The following XKR9 variants were observed in gnomAD, a reference collection of about 807,000 sequenced individuals.
The protein encoded by XKR9 is XK-related protein 9.
In XKR9, 32 loss-of-function variants were observed where a neutral mutation model predicts 32.0. The observed-to-expected ratio is 1.00, with a 90% CI of 0.76 to 1.34. The LOEUF is 1.34. Among genes scored for constraint, XKR9 ranks in the 40% most tolerant of loss-of-function variants. XKR9 has a pLI of 0.00. For synonymous variants in XKR9, 168 were observed against 143.4 expected, an observed-to-expected ratio of 1.17 and a Z score of -1.22; for missense variants, 546 against 429.7, an observed-to-expected ratio of 1.27 and a Z score of -2.39.
Position 70,776,953 on chromosome 8 carries a change from A to C in XKR9, n.353-12386A>C, listed in dbSNP as rs1289486451. On this transcript the variant is annotated intron_variant and non_coding_transcript_variant, in intron 2 of 3. Coordinates refer to the XKR9 transcript ENST00000520273. Reference sequence around the variant, plus strand: ...TCTCTCTCTCTCTCTCTCTCTATATATATATATATATGTATGTATTATACT... The same window carrying C: ...TCTCTCTCTCTCTCTCTCTCTATATCTATATATATATGTATGTATTATACT... Among the ~76,000 whole-genome samples, 62 of 31,282 alleles carry C rather than the reference A, an allele frequency of 2.0e-3. 1 individual carries two copies. The highest frequency in any genetic ancestry group is 4.5e-3 in the Admixed American group (11 of 2,450). 20.5% of individuals were successfully genotyped at this position (31,282 alleles called of 152,430 possible).
At chr8:70,933,439 T>G in the XKR9 span, among the ~76,000 whole-genome samples, 1 of 151,774 alleles carries the variant, frequency 6.6e-6, no homozygotes, top group South Asian at 2.1e-4. Context: ...AAGAACAGTT[T>G]TTTTTTTTTT....
chr8:71,062,805 T>A, the XKR9 span, among the ~76,000 whole-genome samples: 1 of 152,280 alleles, frequency 6.6e-6, no homozygotes, highest in Admixed American at 6.5e-5. Context: ...TTTTTTCTAA[T>A]ACCTTTTTTA....
intron 2 of XKR9, among the ~76,000 whole-genome samples, chr8:70,783,226 C>CT (rs57296282): frequency 0.018 from 2,609 of 143,942 alleles, 49 homozygotes; most frequent in African/African-American, 0.058. Context: ...ATTTGTATGT[C>CT]TTTTTTTTTT....
intron 2 of XKR9, among the ~76,000 whole-genome samples, chr8:70,753,849 C>A (rs1462174605): frequency 6.7e-6 from 1 of 148,702 alleles, no homozygotes; most frequent in Non-Finnish European, 1.5e-5. Context: ...CCTTTGAAAA[C>A]TGGCACAAGA....
At chr8:70,995,943 T>C in the XKR9 span, among the ~76,000 whole-genome samples, 95 of 152,328 alleles carry the variant, frequency 6.2e-4, 1 homozygote, top group East Asian at 1.9e-4. Context: ...CATTCCACCT[T>C]TGGAAGTATA....
chr8:71,018,524 T>C, the XKR9 span, among the ~76,000 whole-genome samples: 1 of 152,310 alleles, frequency 6.6e-6, no homozygotes, highest in Non-Finnish European at 1.5e-5. Context: ...ACCCAGGTTA[T>C]AAATAGTGGG....
At chr8:70,886,429 G>A in the XKR9 span, among the ~76,000 whole-genome samples, 2 of 152,098 alleles carry the variant, frequency 1.3e-5, no homozygotes, top group Non-Finnish European at 1.5e-5. Context: ...TGGGTCAAAT[G>A]GTATTTCTGG....
the XKR9 span, among the ~76,000 whole-genome samples, chr8:70,899,473 C>T: frequency 4.0e-5 from 6 of 150,824 alleles, no homozygotes; most frequent in South Asian, 1.3e-3. Context: ...CCTGTATCCA[C>T]TGCTCAATTT....
intron 3 of XKR9, among the ~76,000 whole-genome samples, chr8:70,697,890 A>G (rs1204986765): frequency 1.3e-5 from 2 of 151,930 alleles, no homozygotes; most frequent in East Asian, 1.9e-4. Flanking sequence ...CAGAGATTCA[A>G]CTTCTTCCTG....
At chr8:70,739,874 A>T (rs972763313), downstream of XKR9, among the ~76,000 whole-genome samples, 1 of 152,132 alleles carries the variant, frequency 6.6e-6, no homozygotes, top group Non-Finnish European at 1.5e-5. Context: ...TGGGTAACCC[A>T]ACCTTTCTCT....
At chr8:71,002,853 G>A in the XKR9 span, among the ~76,000 whole-genome samples, 1 of 152,192 alleles carries the variant, frequency 6.6e-6, no homozygotes, top group South Asian at 2.1e-4. Flanking sequence ...GGCAAATGAG[G>A]CTCCTCCTCC....
At chr8:70,733,079 C>G (rs947852159) in intron 4 of XKR9, among the ~76,000 whole-genome samples, 3 of 152,034 alleles carry the variant, frequency 2.0e-5, no homozygotes, top group African/African-American at 7.3e-5. Flanking sequence ...TGCACTCCAG[C>G]CATAGTGACA....
intron 2 of XKR9, among the ~76,000 whole-genome samples, chr8:70,744,056 C>T (rs571683037): frequency 2.0e-5 from 3 of 152,152 alleles, no homozygotes; most frequent in African/African-American, 7.2e-5. Context: ...GCCAGTCTTT[C>T]TGCCAGCACT....
chr8:70,945,227 GTTAC>G, the XKR9 span, among the ~76,000 whole-genome samples: 19 of 152,278 alleles, frequency 1.2e-4, no homozygotes, highest in African/African-American at 4.1e-4. Flanking sequence ...GTTATGAGTA[GTTAC>G]TTAATTGATA....
At chr8:70,936,299 G>A in the XKR9 span, among the ~76,000 whole-genome samples, 2 of 152,026 alleles carry the variant, frequency 1.3e-5, no homozygotes, top group Non-Finnish European at 2.9e-5. Flanking sequence ...GCAATGTCAG[G>A]TATTTCCCCA....
the XKR9 span, among the ~76,000 whole-genome samples, chr8:70,821,806 G>A: frequency 1.3e-5 from 2 of 152,164 alleles, no homozygotes; most frequent in Non-Finnish European, 2.9e-5. Flanking sequence ...AAAGCCCTGG[G>A]CCCGGCCCAT....
chr8:70,701,382 G>T (rs1586832267), intron 3 of XKR9, among the ~76,000 whole-genome samples: 1 of 152,138 alleles, frequency 6.6e-6, no homozygotes, highest in African/African-American at 2.4e-5. Flanking sequence ...AGGTCAGGTT[G>T]TTTCCTTGAT....
chr8:70,927,584 A>G, the XKR9 span, among the ~76,000 whole-genome samples: 3 of 152,068 alleles, frequency 2.0e-5, no homozygotes, highest in African/African-American at 7.2e-5. Flanking sequence ...GATGAAGGCT[A>G]TGACCTCACA....
chr8:71,020,020 C>T, the XKR9 span, among the ~76,000 whole-genome samples: 1 of 152,306 alleles, frequency 6.6e-6, no homozygotes, highest in Non-Finnish European at 1.5e-5. Context: ...GATCAGTCAA[C>T]TCAGAGGGCA....
Sources: allele counts gnomAD v4.1 joint callset (sites outside exome capture counted in the v4.1 genomes callset), GRCh38; gene constraint gnomAD v4.1.1; transcripts MANE v1.5; gene names NCBI Gene and HGNC (gene_info 2026-07-23, HGNC 2026-07-21).